Variants in MED27 observed in about 807,000 individuals in gnomAD.
MED27 encodes mediator complex subunit 27.
MED27 carries 30 observed loss-of-function variants against 38.2 expected under a neutral mutation model. The ratio of observed to expected loss-of-function variants is 0.79; its 90% CI spans 0.59 to 1.07. MED27 has a LOEUF of 1.07. MED27 is among the 50% of genes least tolerant of loss of function. The probability of loss-of-function intolerance (pLI) is 0.00; values close to 1 mark genes in which losing one functional copy is unlikely to be tolerated. For missense variants in MED27, 289 were observed against 397.5 expected, an observed-to-expected ratio of 0.73 and a Z score of 2.32; for synonymous variants, 122 against 153.5, an observed-to-expected ratio of 0.79 and a Z score of 1.52.
Position 131,883,138 on chromosome 9 carries a change from C to T in MED27, c.723+920G>A, listed in dbSNP as rs1429765865. 6.6e-6 allele frequency among the ~76,000 whole-genome samples: 1 copy of T among 152,162 alleles called. No individual in the cohort carries two copies. Among genetic ancestry groups the T allele is most frequent in the Non-Finnish European group, 1.5e-5 (1 of 68,030 alleles). ...GCTAGGCTGGTCTTGAACTCCTGAC[C>T]TCAGGTGATCTGCCTACCTTGGCCT... On this transcript the variant is annotated intron_variant, in intron 6 of 7. Transcript: ENST00000292035. The surrounding 1 kb of genome is among the most constrained non-coding windows in gnomAD (Gnocchi z 4.2).
chr9:131,934,527 T>C (rs1232741747), intron 4 of MED27, among the ~76,000 whole-genome samples: 1 of 152,102 alleles, frequency 6.6e-6, no homozygotes, highest in Admixed American at 6.6e-5. Context: ...AAAAACCCAG[T>C]TAAAATAGCT....
chr9:132,068,394 G>A (rs1247474598), intron 2 of MED27, among the ~76,000 whole-genome samples: 1 of 152,146 alleles, frequency 6.6e-6, no homozygotes, highest in Non-Finnish European at 1.5e-5. Flanking sequence ...GGAAATCACC[G>A]AAGAGTGACA....
intron 6 of MED27, among the ~76,000 whole-genome samples, chr9:131,878,675 T>C (rs1433579849): frequency 6.6e-6 from 1 of 152,100 alleles, no homozygotes; most frequent in African/African-American, 2.4e-5. Context: ...TCTCCCTAAA[T>C]TGCTGGATGA....
chr9:132,037,082 A>G (rs1439974699), intron 2 of MED27, among the ~76,000 whole-genome samples: 2 of 152,156 alleles, frequency 1.3e-5, no homozygotes, highest in Non-Finnish European at 2.9e-5. Flanking sequence ...CGAAATGTTG[A>G]AGCACTGCGC....
At chr9:132,076,841 A>C (rs1374961874) in intron 2 of MED27, among the ~76,000 whole-genome samples, 1 of 152,212 alleles carries the variant, frequency 6.6e-6, no homozygotes, top group Non-Finnish European at 1.5e-5. Flanking sequence ...GCTACAGTTT[A>C]GTTTGCAACT....
At chr9:131,988,980 T>C (rs899150840) in intron 3 of MED27, among the ~76,000 whole-genome samples, 10 of 152,154 alleles carry the variant, frequency 6.6e-5, no homozygotes, top group African/African-American at 9.7e-5. Context: ...GTGCAGAACA[T>C]GTAGGTTTGT....
intron 3 of MED27, among the ~76,000 whole-genome samples, chr9:131,970,699 T>G (rs1831458646): frequency 6.6e-6 from 1 of 152,054 alleles, no homozygotes; most frequent in Non-Finnish European, 1.5e-5. Flanking sequence ...CTGGCAAAAC[T>G]CAGTAAAATG....
intron 3 of MED27, among the ~76,000 whole-genome samples, chr9:132,012,324 A>G (rs1484110755): frequency 6.6e-6 from 1 of 152,238 alleles, no homozygotes. Flanking sequence ...GCCCTTAAGA[A>G]GCATTCTGCC....
At chr9:131,899,842 A>C (rs1005017333) in intron 4 of MED27, among the ~76,000 whole-genome samples, 3 of 152,184 alleles carry the variant, frequency 2.0e-5, no homozygotes, top group Non-Finnish European at 4.4e-5. Context: ...AGTGACCTTG[A>C]ACTTTTTGAT....
chr9:131,878,156 C>A (rs1371263832), intron 6 of MED27, among the ~76,000 whole-genome samples: 1 of 151,864 alleles, frequency 6.6e-6, no homozygotes, highest in Non-Finnish European at 1.5e-5. Flanking sequence ...TGCCTGTAAT[C>A]CCAACTACTT....
intron 2 of MED27, among the ~76,000 whole-genome samples, chr9:132,019,430 A>G (rs575552232): frequency 5.9e-5 from 9 of 152,352 alleles, no homozygotes; most frequent in African/African-American, 2.2e-4. Flanking sequence ...CTCACTGTCA[A>G]GATAGAACCA....
At chr9:131,865,453 A>G (rs1838721290) in intron 6 of MED27, among the ~76,000 whole-genome samples, 1 of 152,224 alleles carries the variant, frequency 6.6e-6, no homozygotes, top group Admixed American at 6.5e-5. Context: ...AACCTGTGAA[A>G]GTGTCATTTT....
chr9:131,909,480 C>T (rs1425131003), intron 4 of MED27, among the ~76,000 whole-genome samples: 8 of 152,188 alleles, frequency 5.3e-5, no homozygotes. Flanking sequence ...TGGACTTAAA[C>T]AGGACTGTCC....
intron 3 of MED27, among the ~76,000 whole-genome samples, chr9:131,979,122 T>A (rs1831676527): frequency 6.6e-6 from 1 of 152,190 alleles, no homozygotes; most frequent in South Asian, 2.1e-4. Context: ...TCACTTGGCA[T>A]CACTTGCCTT....
At chr9:131,973,930 G>A (rs1831545594) in intron 3 of MED27, among the ~76,000 whole-genome samples, 1 of 151,172 alleles carries the variant, frequency 6.6e-6, no homozygotes, top group South Asian at 2.1e-4. Flanking sequence ...AGCCGGGATG[G>A]TCTTGATCTC....
chr9:132,011,301 C>T (rs1032943627), intron 3 of MED27, among the ~76,000 whole-genome samples: 1 of 152,040 alleles, frequency 6.6e-6, no homozygotes, highest in Non-Finnish European at 1.5e-5. Context: ...AGAACAATAT[C>T]CATCCTAATC....
At chr9:131,940,540 C>G (rs1830767780) in intron 3 of MED27, among the ~76,000 whole-genome samples, 1 of 152,102 alleles carries the variant, frequency 6.6e-6, no homozygotes, top group South Asian at 2.1e-4. Flanking sequence ...CTCAGCCTCC[C>G]AGGTAGCTGG....
chr9:131,886,395 C>A (rs1839141582), intron 5 of MED27, among the ~76,000 whole-genome samples: 1 of 152,122 alleles, frequency 6.6e-6, no homozygotes, highest in Non-Finnish European at 1.5e-5. Flanking sequence ...AGCATTCATT[C>A]AATAGGAAAA....
At chr9:131,891,836 C>T (rs559819116) in intron 5 of MED27, among the ~76,000 whole-genome samples, 4 of 151,962 alleles carry the variant, frequency 2.6e-5, no homozygotes, top group South Asian at 2.1e-4. Context: ...TAATGAGAGC[C>T]GGAGAGGAGC....
Sources: gnomAD v4.1 joint callset for allele counts (sites outside exome capture counted in the v4.1 genomes callset) on GRCh38, gnomAD v4.1.1 for gene constraint, Gnocchi (gnomAD v3.1) non-coding constraint, MANE v1.5 for transcripts, NCBI Gene and HGNC (gene_info 2026-07-23, HGNC 2026-07-21) for gene names.